GLG1: variants seen among roughly 807,000 people sequenced by gnomAD.
GLG1 encodes golgi glycoprotein 1.
Under a neutral mutation model 160.5 loss-of-function variants are expected in GLG1, and 38 were observed. The observed-to-expected ratio is 0.24, with a 90% confidence interval of 0.18 to 0.31. The LOEUF (loss-of-function observed/expected upper bound fraction) is 0.31, where lower values mean the gene tolerates loss of function less well. Ranked by LOEUF, GLG1 falls within the 10% of genes least tolerant of loss-of-function variation. GLG1 has a pLI of 1.00. For missense variants in GLG1, 1,373 were observed against 1,505.2 expected (o/e 0.91, Z 1.45); for synonymous variants, 644 against 543.4 (o/e 1.19, Z -2.57).
chr16:74,514,917 A>G (rs2143524449), intron 2 of GLG1, among the ~76,000 whole-genome samples: 1 of 152,274 alleles, frequency 6.6e-6, no homozygotes, highest in Non-Finnish European at 1.5e-5. Flanking sequence ...AGACACACAT[A>G]GGCTCAAAAT....
chr16:74,498,868 C>CCA (rs2016307814), intron 4 of GLG1, among the ~76,000 whole-genome samples: 1 of 75,830 alleles, frequency 1.3e-5, no homozygotes, highest in Non-Finnish European at 2.3e-5. Flanking sequence ...CCGTCTCAGG[C>CCA]AAAAAAAAAA....
chr16:74,569,204 G>C (rs1173480026), intron 1 of GLG1, among the ~76,000 whole-genome samples: 4 of 152,174 alleles, frequency 2.6e-5, no homozygotes, highest in Admixed American at 1.3e-4. Context: ...GTACTGTATG[G>C]GTGTTTCAGA....
chr16:74,472,486 G>T, intron 13 of GLG1, 75 bp from the exon 14 acceptor site: 1 of 1,354,976 alleles, frequency 7.4e-7, no homozygotes, highest in South Asian at 1.2e-5. Context: ...TTCTCTTTCT[G>T]AATCAGTAAT....
At chr16:74,500,509 TA>T (rs1237672629) in intron 4 of GLG1, among the ~76,000 whole-genome samples, 9 of 151,056 alleles carry the variant, frequency 6.0e-5, no homozygotes, top group African/African-American at 2.2e-4. Flanking sequence ...ATGCTAACAC[TA>T]ATCTCTAAAT....
rs1158274854 is a variant in GLG1, at chr16:74,502,720, TGG to T, written c.774+809_774+810del. The stretch of plus-strand genomic sequence containing the variant: ...CACCACGCCCGGCTAATTTTGTTTT[TGG>T]TTTTTTTTTTTTTTTTTTTTTGTAT... On this transcript the variant is annotated intron_variant, in intron 4 of 25. Transcript: ENST00000422840. Among the ~76,000 whole-genome samples, 549 of 77,762 alleles carry T rather than the reference TGG, an allele frequency of 7.1e-3. 1 individual carries two copies. Among genetic ancestry groups the T allele is most frequent in the Non-Finnish European group, 0.012 (459 of 39,906 alleles). The allele number at this position is 77,762 out of a possible 152,430, so 51.0% of individuals were successfully genotyped here. A position where few individuals can be genotyped will look rare whatever the true frequency, so the allele number is the denominator to read the frequency against.
At chr16:74,458,207 T>C (rs548697305) in intron 23 of GLG1, 54 of 460,380 alleles carry the variant, frequency 1.2e-4, no homozygotes, top group African/African-American at 8.7e-4. Context: ...AACTGTGTGT[T>C]GGAAAAAAGC....
intron 2 of GLG1, among the ~76,000 whole-genome samples, chr16:74,518,943 T>C (rs1290169786): frequency 6.6e-6 from 1 of 152,208 alleles, no homozygotes; most frequent in Non-Finnish European, 1.5e-5. Flanking sequence ...CTCAAGGATC[T>C]AGAACTAGAA....
chr16:74,501,127 GT>G (rs1166718176), intron 4 of GLG1, among the ~76,000 whole-genome samples: 1 of 152,194 alleles, frequency 6.6e-6, no homozygotes, highest in Non-Finnish European at 1.5e-5. Flanking sequence ...TTCAGTATAA[GT>G]TTTCTATCTG....
chr16:74,456,430 G>A, intron 25 of GLG1: 1 of 494,424 alleles, frequency 2.0e-6, no homozygotes, highest in Non-Finnish European at 3.6e-6. Flanking sequence ...AAAACGCTGA[G>A]ATTACAGGCG....
chr16:74,454,666 CAAAAAAAAAAAAAAAAAAAAAA>C (rs58759187), intron 25 of GLG1, among the ~76,000 whole-genome samples: 2 of 38,494 alleles, frequency 5.2e-5, no homozygotes, highest in Non-Finnish European at 4.6e-5. Flanking sequence ...AATCCGTCCC[CAAAAAAAAAAAAAAAAAAAAAA>C]AAAAAAAAAA....
chr16:74,553,351 CATGCTCG>C (rs1270158133), intron 1 of GLG1, among the ~76,000 whole-genome samples: 1 of 152,066 alleles, frequency 6.6e-6, no homozygotes. Context: ...TGCACACCAC[CATGCTCG>C]GCTACTATTT....
chr16:74,600,009 G>T (rs901440228), intron 1 of GLG1, among the ~76,000 whole-genome samples: 4 of 152,098 alleles, frequency 2.6e-5, no homozygotes, highest in African/African-American at 9.7e-5. Context: ...ACTCCAGCCT[G>T]GGTGACAGTG....
intron 18 of GLG1, 104 bp from the exon 19 acceptor site, chr16:74,465,917 C>A (rs1369543734): frequency 2.1e-6 from 2 of 955,708 alleles, no homozygotes; most frequent in Non-Finnish European, 1.6e-6. Context: ...TTTCTTTATC[C>A]ATTTCTCATT....
At chr16:74,599,927 G>C (rs1958399700) in intron 1 of GLG1, among the ~76,000 whole-genome samples, 1 of 150,802 alleles carries the variant, frequency 6.6e-6, no homozygotes, top group African/African-American at 2.4e-5. Flanking sequence ...CCTGCTACTA[G>C]AGAGGTGGAG....
intron 1 of GLG1, among the ~76,000 whole-genome samples, chr16:74,602,443 G>A (rs973971137): frequency 6.6e-6 from 1 of 152,194 alleles, no homozygotes; most frequent in Non-Finnish European, 1.5e-5. Context: ...GACAGTATCT[G>A]GGATTTGCTT....
At chr16:74,458,021 G>C (rs970684310) in intron 23 of GLG1, 27 bp from the exon 24 acceptor site, 1 of 1,611,412 alleles carries the variant, frequency 6.2e-7, no homozygotes, top group Non-Finnish European at 8.5e-7. Context: ...ATTGCAGACA[G>C]AGCTTTTGAA....
chr16:74,458,882 C>T (rs2014666659), intron 23 of GLG1, among the ~76,000 whole-genome samples: 1 of 152,084 alleles, frequency 6.6e-6, no homozygotes, highest in African/African-American at 2.4e-5. Context: ...TGCAGATTCT[C>T]CATTTATACA....
chr16:74,471,177 TG>T lies in GLG1; in HGVS notation c.2224del (p.Gln742SerfsTer5). On this transcript the variant is annotated frameshift_variant, in exon 15 of 26. Coordinates refer to ENST00000422840, the MANE Select transcript of GLG1 (RefSeq NM_001145667.2). LOFTEE classifies it high-confidence loss of function. ...TGGCAGCCAGGTGTCACTGACCAGC[TG>T]GAAGTGGGTAACTCCGATGGCACAC... ...EKCAIGVTHF[Q>X]LVQMKDFRFS... The T allele has an allele frequency of 6.4e-7, 1 of 1,568,466 alleles. No individual in the cohort carries two copies. The highest frequency in any genetic ancestry group is 8.8e-7 in the Non-Finnish European group (1 of 1,138,208).
chr16:74,567,157 A>G (rs1306596834), intron 1 of GLG1, among the ~76,000 whole-genome samples: 1 of 148,666 alleles, frequency 6.7e-6, no homozygotes, highest in Non-Finnish European at 1.5e-5. Flanking sequence ...GATTACATGT[A>G]ATTGTGTGTG....
Sources: gnomAD v4.1 joint callset for allele counts (sites outside exome capture counted in the v4.1 genomes callset) on GRCh38, gnomAD v4.1.1 for gene constraint, MANE v1.5 for transcripts, NCBI Gene and HGNC (gene_info 2026-07-23, HGNC 2026-07-21) for gene names.